The following NRXN1 variants were observed in gnomAD, a reference collection of about 807,000 sequenced individuals.
NRXN1 encodes neurexin-1.
In NRXN1, 39 loss-of-function variants were observed where a neutral mutation model predicts 150.9. That is an observed-to-expected ratio of 0.26 (90% CI 0.20 to 0.34). NRXN1 has a LOEUF of 0.34. NRXN1 is among the 10% of genes least tolerant of loss of function. The probability of loss-of-function intolerance (pLI) is 1.00; values close to 1 mark genes in which losing one functional copy is unlikely to be tolerated. For missense variants in NRXN1, 1,815 were observed against 1,949.9 expected (o/e 0.93, Z 1.30); for synonymous variants, 924 against 757.0 (o/e 1.22, Z -3.62).
At chr2:50,921,297 G>C (rs1685997578) in intron 5 of NRXN1, among the ~76,000 whole-genome samples, 1 of 151,890 alleles carries the variant, frequency 6.6e-6, no homozygotes, top group Middle Eastern at 3.4e-3. Context: ...TGCATAGCTA[G>C]TTGATAATGC....
chr2:49,994,084 C>T (rs6741686), intron 21 of NRXN1, among the ~76,000 whole-genome samples: 70,949 of 151,918 alleles, frequency 0.47, 17,233 homozygotes, highest in Middle Eastern at 0.6. Flanking sequence ...CACCGGGGAT[C>T]CTCTGTTTCC....
chr2:50,862,673 T>C (rs1193876544), intron 5 of NRXN1, among the ~76,000 whole-genome samples: 2 of 152,090 alleles, frequency 1.3e-5, no homozygotes, highest in Non-Finnish European at 2.9e-5. Context: ...ATGACTGCTG[T>C]TTATTGAGTA....
intron 17 of NRXN1, among the ~76,000 whole-genome samples, chr2:50,398,666 G>A (rs1034098870): frequency 6.6e-6 from 1 of 152,028 alleles, no homozygotes; most frequent in African/African-American, 2.4e-5. Context: ...GTTTCCATTT[G>A]CAGGCATGTG....
intron 13 of NRXN1, among the ~76,000 whole-genome samples, chr2:50,503,931 A>G (rs2092087764): frequency 6.6e-6 from 1 of 152,154 alleles, no homozygotes; most frequent in Admixed American, 6.6e-5. Flanking sequence ...TACTGTATAG[A>G]GGCCATAACA....
At chr2:50,753,991 TTAATG>T (rs1700907347) in intron 5 of NRXN1, among the ~76,000 whole-genome samples, 1 of 148,926 alleles carries the variant, frequency 6.7e-6, no homozygotes, top group Admixed American at 6.8e-5. Flanking sequence ...CCCAATGGCA[TTAATG>T]TACTAGTTTA....
intron 17 of NRXN1, among the ~76,000 whole-genome samples, chr2:50,257,538 C>G (rs753531522): frequency 6.6e-6 from 1 of 151,964 alleles, no homozygotes; most frequent in Non-Finnish European, 1.5e-5. Context: ...TCTCAAGGGC[C>G]TAGGAGTCAT....
In NRXN1 at chr2:50,915,503, TTAAAGTG is replaced by T. The variant is rs145527269; in HGVS notation, c.832+6359_832+6365del. On this transcript the variant is annotated intron_variant, in intron 5 of 22. Coordinates refer to ENST00000401669, the MANE Select transcript of NRXN1 (RefSeq NM_001330078.2). ...CTCATTATTGTATGTAAGATAAATG[TTAAAGTG>T]TAAAGAGTAACAGATATCTAAATAA... Among the ~76,000 whole-genome samples, 147 of 151,714 alleles carry T rather than the reference TTAAAGTG, an allele frequency of 9.7e-4. No homozygotes were observed. The East Asian group carries it at 0.028, about 29-fold the overall frequency.
chr2:50,792,193 G>A (rs923831619), intron 5 of NRXN1, among the ~76,000 whole-genome samples: 3 of 152,208 alleles, frequency 2.0e-5, no homozygotes, highest in South Asian at 2.1e-4. Context: ...AATTATGTAC[G>A]AGAAAACTAC....
chr2:50,687,978 C>G (rs865835131), intron 5 of NRXN1, among the ~76,000 whole-genome samples: 1 of 152,050 alleles, frequency 6.6e-6, no homozygotes, highest in Non-Finnish European at 1.5e-5. Flanking sequence ...GAGGGCATTG[C>G]CTGAAAGAAC....
chr2:50,267,956 G>A (rs1193867027), intron 17 of NRXN1, among the ~76,000 whole-genome samples: 1 of 152,092 alleles, frequency 6.6e-6, no homozygotes, highest in Non-Finnish European at 1.5e-5. Context: ...TTGGGAGGCA[G>A]AGGCAGGTGG....
At chr2:50,426,492 C>A (rs2084503665) in intron 17 of NRXN1, among the ~76,000 whole-genome samples, 1 of 152,144 alleles carries the variant, frequency 6.6e-6, no homozygotes. Context: ...TCTACAGCAA[C>A]ACAGTGTATT....
chr2:50,566,233 G>A (rs1045897585), intron 8 of NRXN1, among the ~76,000 whole-genome samples: 4 of 151,752 alleles, frequency 2.6e-5, no homozygotes, highest in Admixed American at 2.6e-4. Context: ...TAGCTTCTAC[G>A]TTGCCTGGTA....
chr2:49,971,434 C>T (rs747248156), intron 21 of NRXN1, among the ~76,000 whole-genome samples: 2 of 152,122 alleles, frequency 1.3e-5, no homozygotes, highest in Non-Finnish European at 2.9e-5. Context: ...GGCAGTTGAG[C>T]CCAAATGTTA....
intron 6 of NRXN1, among the ~76,000 whole-genome samples, 188 bp downstream of exon 6, chr2:50,623,126 G>C (rs1338303831): frequency 2.6e-5 from 4 of 151,978 alleles, no homozygotes; most frequent in Non-Finnish European, 5.9e-5. Flanking sequence ...ATAGCCTTTG[G>C]GCTCCCAGAA....
chr2:50,822,484 A>C (rs898583955), intron 5 of NRXN1, among the ~76,000 whole-genome samples: 3 of 152,148 alleles, frequency 2.0e-5, no homozygotes, highest in Non-Finnish European at 4.4e-5. Flanking sequence ...CACTCTTGAG[A>C]GATCTCACCT....
chr2:50,028,461 T>C lies in NRXN1; in HGVS notation c.4128+24810A>G, dbSNP rs185131269. Among the ~76,000 whole-genome samples, 26 of 152,314 alleles carry C rather than the reference T, an allele frequency of 1.7e-4. No homozygotes were observed. In the East Asian group the frequency reaches 3.7e-3, roughly 21 times the overall value. ...CAGTCTTGTAAATAGCCATATCTAG[T>C]CTCACTCCCTATAGAGAGAAAATCA... On this transcript the variant is annotated intron_variant, in intron 21 of 22. Transcript: ENST00000401669.
intron 2 of NRXN1, among the ~76,000 whole-genome samples, chr2:50,949,288 A>T (rs1366946121): frequency 1.3e-5 from 2 of 152,038 alleles, no homozygotes; most frequent in African/African-American, 4.8e-5. Context: ...ATTTAGTTAA[A>T]CAAAAAGGAT....
intron 21 of NRXN1, among the ~76,000 whole-genome samples, chr2:49,981,608 A>C: frequency 6.6e-6 from 1 of 152,188 alleles, no homozygotes; most frequent in South Asian, 2.1e-4. Context: ...AATGACTTAA[A>C]TAAGACACCT....
intron 2 of NRXN1, among the ~76,000 whole-genome samples, chr2:51,011,817 TAG>T (rs1302434651): frequency 1.3e-5 from 2 of 151,944 alleles, no homozygotes; most frequent in African/African-American, 4.8e-5. Context: ...ACTCCAGTAG[TAG>T]AGACAAATGG....
Sources: allele counts gnomAD v4.1 joint callset (sites outside exome capture counted in the v4.1 genomes callset), GRCh38; gene constraint gnomAD v4.1.1; transcripts MANE v1.5; gene names NCBI Gene and HGNC (gene_info 2026-07-23, HGNC 2026-07-21).